Variants in PM20D1 observed in about 807,000 individuals in gnomAD.
The protein encoded by PM20D1 is N-fatty-acyl-amino acid synthase/hydrolase PM20D1.
PM20D1 carries 53 observed loss-of-function variants against 53.8 expected under a neutral mutation model. That is an observed-to-expected ratio of 0.98 (90% CI 0.79 to 1.24). PM20D1 has a LOEUF of 1.24. Among genes scored for constraint, PM20D1 ranks in the 50% most tolerant of loss-of-function variants. The pLI is 0.00. For synonymous variants in PM20D1, 239 were observed against 241.3 expected (o/e 0.99, Z 0.09); for missense variants, 564 against 616.8 (o/e 0.91, Z 0.91).
chr1:205,842,766 G>A lies in PM20D1; in HGVS notation c.828-15C>T. ...TCTGCTCCAATCTGGAAGAGAAACA[G>A]AGTCCTCAAGACTTAGCGAACCCCA... On this transcript the variant is annotated splice_polypyrimidine_tract_variant and intron_variant, in intron 6 of 12. Coordinates refer to ENST00000367136, the MANE Select transcript of PM20D1 (RefSeq NM_152491.5). 6.2e-7 allele frequency: 1 copy of A among 1,613,074 alleles called. No homozygotes were observed. Among genetic ancestry groups the A allele is most frequent in the Non-Finnish European group, 8.5e-7 (1 of 1,179,522 alleles).
At chr1:205,830,242 C>A in intron 12 of PM20D1, 38 bp downstream of exon 12, 2 of 1,450,966 alleles carry the variant, frequency 1.4e-6, no homozygotes, top group Non-Finnish European at 1.9e-6. Flanking sequence ...AAGTGTATTT[C>A]TTTTCTCCCA....
intron 11 of PM20D1, among the ~76,000 whole-genome samples, chr1:205,830,844 G>A (rs531113134): frequency 1.4e-4 from 21 of 147,534 alleles, no homozygotes; most frequent in Admixed American, 5.5e-4. Context: ...TCCCCATGAC[G>A]CCCAGGGTGG....
rs1450894245 is a variant in PM20D1 at position 205,843,682 on chromosome 1, G to A, written c.812C>T (p.Ala271Val). ...AGTTGCTTACCGGCTGACAGCAGCT[G>A]CAAGGATGCCAATGCTTGTCTCCTT... is the stretch of plus-strand genomic sequence containing the variant. ...PPKETSIGILAAAVSRLEQTP... is the reference protein window; with the variant it reads ...PPKETSIGILVAAVSRLEQTP... The change falls in exon 6 of 13, where the codon GCA becomes GTA. Residue 271 changes from alanine (A) to valine (V), a missense_variant. Ala to Val is a moderately conservative substitution (Grantham distance 64, BLOSUM62 0). Transcript: ENST00000367136. 1 of 1,613,816 alleles carries A rather than the reference G, an allele frequency of 6.2e-7. No individual in the cohort carries two copies. Among genetic ancestry groups the A allele is most frequent in the Non-Finnish European group, 8.5e-7 (1 of 1,179,970 alleles).
At chr1:205,840,100 A>G (rs750324965) in intron 10 of PM20D1, 152 bp downstream of exon 10, 4 of 538,254 alleles carry the variant, frequency 7.4e-6, no homozygotes, top group Non-Finnish European at 1.2e-5. Flanking sequence ...TCCAATCCTA[A>G]TGAAGTATCC....
At chr1:205,837,347 A>T (rs552073889) in intron 10 of PM20D1, among the ~76,000 whole-genome samples, 2 of 152,352 alleles carry the variant, frequency 1.3e-5, no homozygotes, top group African/African-American at 4.8e-5. Flanking sequence ...CCTCAAGTGG[A>T]GACTCCCTCA....
In PM20D1 at chr1:205,843,802, G is replaced by A. The variant is rs371322705; in HGVS notation, c.708-16C>T. The A allele has an allele frequency of 2.4e-5, 39 of 1,611,400 alleles. No individual in the cohort carries two copies. In the African/African-American group the frequency reaches 3.6e-4, roughly 15 times the overall value. On this transcript the variant is annotated splice_polypyrimidine_tract_variant and intron_variant, in intron 5 of 12. Transcript: ENST00000367136. ...GACTGCAATCCTGTAGAAGAGGATC[G>A]GAAACCACTCTCCTGACTTCTTGCC... is the stretch of plus-strand genomic sequence containing the variant.
In PM20D1 at chr1:205,828,635, G is replaced by T; in HGVS notation, c.1494C>A (p.His498Gln). The T allele has an allele frequency of 6.2e-7, 1 of 1,614,200 alleles. No homozygotes were observed. The highest frequency in any genetic ancestry group is 1.1e-5 in the South Asian group (1 of 91,082). ...NADTDQEPVS[H>Q]LHKL ...CCCCTTGACCTCACAGTTTGTGCAG[G>T]TGAGAAACTGGCTCCTGGTCTGTGT... is the stretch of plus-strand genomic sequence containing the variant. Residue 498 changes from histidine to glutamine, a missense_variant, in exon 13 of 13, where the codon CAC becomes CAA. Physicochemically the swap from His to Gln is conservative, Grantham distance 24. Transcript: ENST00000367136.
intron 2 of PM20D1, among the ~76,000 whole-genome samples, chr1:205,846,450 C>T (rs1422256035): frequency 6.6e-6 from 1 of 152,094 alleles, no homozygotes; most frequent in African/African-American, 2.4e-5. Context: ...AGACCTATAA[C>T]ATGCTATCAC....
chr1:205,838,614 A>G (rs1017650886), intron 10 of PM20D1, among the ~76,000 whole-genome samples: 3 of 152,166 alleles, frequency 2.0e-5, no homozygotes, highest in Non-Finnish European at 2.9e-5. Flanking sequence ...TATTGAATCT[A>G]GAGGTTCCCA....
intron 12 of PM20D1, among the ~76,000 whole-genome samples, chr1:205,829,412 T>G (rs752650294): frequency 2.0e-5 from 3 of 152,112 alleles, no homozygotes; most frequent in Non-Finnish European, 2.9e-5. Flanking sequence ...CTGTCCCACT[T>G]ACTAGGGCTA....
intron 6 of PM20D1, among the ~76,000 whole-genome samples, chr1:205,843,107 G>A: frequency 6.6e-6 from 1 of 152,316 alleles, no homozygotes. Flanking sequence ...CCAGCCAGGA[G>A]TAAGCTCTGC....
intron 10 of PM20D1, among the ~76,000 whole-genome samples, chr1:205,836,691 T>C (rs889784542): frequency 1.3e-5 from 2 of 152,070 alleles, no homozygotes; most frequent in African/African-American, 4.8e-5. Context: ...TTTGTAGAGA[T>C]AGGGTCTCAC....
intron 1 of PM20D1, among the ~76,000 whole-genome samples, chr1:205,848,693 A>C (rs1031635845): frequency 6.6e-6 from 1 of 152,218 alleles, no homozygotes. Context: ...AATCATGAGA[A>C]TATTGAATTA....
In PM20D1 at chr1:205,847,947, G is replaced by A. The variant is rs769798964; in HGVS notation, c.194C>T (p.Thr65Ile). 14 of 1,598,786 alleles carry A rather than the reference G, an allele frequency of 8.8e-6. No homozygotes were observed. The highest frequency in any genetic ancestry group is 1.1e-5 in the Non-Finnish European group (13 of 1,172,872). ...AGTATTGGACTTCTCAGAGCTAAAA[G>A]TCACTGTTGGAATCTGGATGGCACC... ...LKGAIQIPTV[T>I]FSSEKSNTTA... is the part of the protein sequence containing the mutation. The change falls in exon 2 of 13, where the codon ACT (threonine) becomes ATT (isoleucine). Residue 65 changes from threonine to isoleucine, a missense_variant. Transcript: ENST00000367136.
At chr1:205,828,771 A>G in intron 12 of PM20D1, 28 bp from the exon 13 acceptor site, 1 of 1,613,042 alleles carries the variant, frequency 6.2e-7, no homozygotes, top group Non-Finnish European at 8.5e-7. Context: ...CATTTAGGGA[A>G]GGAGGGGAGG....
At chr1:205,842,067 T>C (rs1656823065) in intron 8 of PM20D1, 87 bp downstream of exon 8, 3 of 1,365,022 alleles carry the variant, frequency 2.2e-6, no homozygotes, top group Middle Eastern at 1.8e-4. Context: ...GGATGATTAG[T>C]CAGGCCCAGT....
At chr1:205,848,375 C>T (rs1657050834) in intron 1 of PM20D1, among the ~76,000 whole-genome samples, 1 of 152,220 alleles carries the variant, frequency 6.6e-6, no homozygotes, top group Non-Finnish European at 1.5e-5. Context: ...TCATCATTCT[C>T]AAGGCACCCA....
intron 10 of PM20D1, among the ~76,000 whole-genome samples, chr1:205,835,545 G>A (rs908566246): frequency 5.3e-5 from 8 of 151,564 alleles, no homozygotes; most frequent in Non-Finnish European, 1.0e-4. Flanking sequence ...CCGGCTGCTC[G>A]GGAGGCTGAG....
chr1:205,839,910 C>CAAAAA (rs567749262), intron 10 of PM20D1, among the ~76,000 whole-genome samples: 309 of 58,022 alleles, frequency 5.3e-3, no homozygotes, highest in East Asian at 0.012. Context: ...GACTCTGACT[C>CAAAAA]AAAAAAAAAA....
Sources: allele counts gnomAD v4.1 joint callset (sites outside exome capture counted in the v4.1 genomes callset), GRCh38; gene constraint gnomAD v4.1.1; transcripts MANE v1.5; gene names NCBI Gene and HGNC (gene_info 2026-07-23, HGNC 2026-07-21).